Variants in GALNT13 observed in about 807,000 individuals in gnomAD.
GALNT13 encodes the protein UDP-GalNAc:polypeptide N-acetylgalactosaminyltransferase 13.
GALNT13 carries 28 observed loss-of-function variants against 64.2 expected under a neutral mutation model. That is an observed-to-expected ratio of 0.44 (90% confidence interval 0.32 to 0.60). GALNT13 has a LOEUF of 0.60. GALNT13 is among the 20% of genes least tolerant of loss of function. The pLI, the probability that GALNT13 is intolerant of heterozygous loss-of-function variation, is 0.05. For missense variants in GALNT13, 577 were observed against 669.8 expected (o/e 0.86, Z 1.53); for synonymous variants, 214 against 224.6 (o/e 0.95, Z 0.42).
At chr2:153,398,190 G>A in the GALNT13 span, among the ~76,000 whole-genome samples, 1 of 150,594 alleles carries the variant, frequency 6.6e-6, no homozygotes, top group East Asian at 2.0e-4. Context: ...TTTTGTTCTT[G>A]CGATAGTTTA....
At chr2:153,660,967 A>G in the GALNT13 span, among the ~76,000 whole-genome samples, 1 of 152,130 alleles carries the variant, frequency 6.6e-6, no homozygotes, top group Non-Finnish European at 1.5e-5. Flanking sequence ...ACAGTACTTC[A>G]CAGAGGAGGG....
the GALNT13 span, among the ~76,000 whole-genome samples, chr2:153,292,131 A>G: frequency 6.6e-6 from 1 of 152,084 alleles, no homozygotes; most frequent in Non-Finnish European, 1.5e-5. Context: ...AGTAATTTAT[A>G]TGTCGCTCAA....
the GALNT13 span, among the ~76,000 whole-genome samples, chr2:153,656,337 T>C: frequency 6.7e-6 from 1 of 150,020 alleles, no homozygotes; most frequent in African/African-American, 2.5e-5. Context: ...TGTGTGTGTG[T>C]GTGCGCGCGC....
the GALNT13 span, among the ~76,000 whole-genome samples, chr2:153,235,798 C>G: frequency 6.6e-6 from 1 of 152,046 alleles, no homozygotes; most frequent in East Asian, 1.9e-4. Flanking sequence ...CCTATCTAAC[C>G]AACCTCATAA....
chr2:153,636,253 T>G, the GALNT13 span, among the ~76,000 whole-genome samples: 1 of 152,160 alleles, frequency 6.6e-6, no homozygotes, highest in African/African-American at 2.4e-5. Context: ...CCTAGTTATT[T>G]TTTAATATTC....
chr2:154,391,511 A>G (rs1698790023), intron 9 of GALNT13, among the ~76,000 whole-genome samples: 1 of 152,160 alleles, frequency 6.6e-6, no homozygotes, highest in African/African-American at 2.4e-5. Flanking sequence ...TGGAACTGGA[A>G]GAGTGGGGAA....
chr2:154,125,845 C>A (rs1453626901), intron 3 of GALNT13, among the ~76,000 whole-genome samples: 1 of 152,162 alleles, frequency 6.6e-6, no homozygotes, highest in Non-Finnish European at 1.5e-5. Context: ...TTTGGACCCC[C>A]ACTCATAGCT....
At chr2:153,789,662 G>C in the GALNT13 span, among the ~76,000 whole-genome samples, 5 of 151,956 alleles carry the variant, frequency 3.3e-5, no homozygotes, top group African/African-American at 1.2e-4. Flanking sequence ...ATGGTATTTT[G>C]AAAAATATAA....
the GALNT13 span, chr2:153,478,510 C>T: frequency 1.7e-4 from 281 of 1,608,992 alleles, no homozygotes; most frequent in Non-Finnish European, 2.3e-4. Context: ...CGCCTCGCTG[C>T]TGTTGGCCAG....
chr2:153,773,570 AT>A, the GALNT13 span, among the ~76,000 whole-genome samples: 5 of 152,056 alleles, frequency 3.3e-5, no homozygotes, highest in African/African-American at 9.7e-5. Context: ...GGAAGAAAAG[AT>A]TTCCCCTCTT....
chr2:153,862,761 T>A, the GALNT13 span, among the ~76,000 whole-genome samples: 1 of 152,098 alleles, frequency 6.6e-6, no homozygotes, highest in African/African-American at 2.4e-5. Flanking sequence ...ATACGTAAGA[T>A]AATTACTACG....
Position 153,912,215 on chromosome 2 carries a change from C to T in GALNT13, c.-105+11208C>T, listed in dbSNP as rs185474466. On this transcript the variant is annotated intron_variant, in intron 2 of 12. Transcript: ENST00000392825. ...AATCTGTTGCTTTTACTTGCTATTGCGTTATGAAATTCTTGTAGTGTTTTT... is the reference window on the plus strand; with the variant it reads ...AATCTGTTGCTTTTACTTGCTATTGTGTTATGAAATTCTTGTAGTGTTTTT... 2.0e-4 allele frequency among the ~76,000 whole-genome samples: 31 copies of T among 152,002 alleles called. No individual in the cohort carries two copies. In the East Asian group the frequency reaches 4.6e-3, roughly 23 times the overall value.
chr2:154,012,595 AC>A (rs1419437156), intron 3 of GALNT13, among the ~76,000 whole-genome samples: 2 of 152,076 alleles, frequency 1.3e-5, no homozygotes, highest in African/African-American at 4.8e-5. Context: ...TATTTTTTGA[AC>A]ATGAATATTG....
chr2:154,216,951 G>A (rs1688078617), intron 4 of GALNT13, among the ~76,000 whole-genome samples: 1 of 148,894 alleles, frequency 6.7e-6, no homozygotes, highest in Admixed American at 6.7e-5. Flanking sequence ...ACCACATCAA[G>A]CTATTTTTTT....
chr2:153,918,778 T>G (rs1280452131), intron 2 of GALNT13, among the ~76,000 whole-genome samples: 2 of 152,136 alleles, frequency 1.3e-5, no homozygotes, highest in Admixed American at 6.6e-5. Context: ...AAAAATATCT[T>G]TCCCCTTAAA....
the GALNT13 span, among the ~76,000 whole-genome samples, chr2:153,259,727 A>G: frequency 4.4e-4 from 67 of 152,294 alleles, no homozygotes; most frequent in Non-Finnish European, 8.4e-4. Flanking sequence ...AGGCCTCCCC[A>G]GCCATGTGGA....
the GALNT13 span, among the ~76,000 whole-genome samples, chr2:153,379,756 G>A: frequency 6.6e-6 from 1 of 152,020 alleles, no homozygotes; most frequent in Non-Finnish European, 1.5e-5. Flanking sequence ...CTGGGGCACA[G>A]AATCTTTTAC....
chr2:154,032,691 C>T (rs927017948), intron 3 of GALNT13, among the ~76,000 whole-genome samples: 1 of 151,636 alleles, frequency 6.6e-6, no homozygotes, highest in Non-Finnish European at 1.5e-5. Flanking sequence ...AAGCATTTGA[C>T]AAAATTCAAC....
the GALNT13 span, among the ~76,000 whole-genome samples, chr2:153,632,429 A>G: frequency 6.6e-6 from 1 of 152,098 alleles, no homozygotes; most frequent in African/African-American, 2.4e-5. Context: ...GCCTGTACCA[A>G]ATGCAAAATG....
Sources: allele counts gnomAD v4.1 joint callset (sites outside exome capture counted in the v4.1 genomes callset), GRCh38; gene constraint gnomAD v4.1.1; transcripts MANE v1.5; gene names NCBI Gene and HGNC (gene_info 2026-07-23, HGNC 2026-07-21).